The following SMYD1 variants were observed in gnomAD, a reference collection of about 807,000 sequenced individuals.
SMYD1 encodes the protein histone-lysine N-methyltransferase SMYD1.
SMYD1 carries 49 observed loss-of-function variants against 54.0 expected under a neutral mutation model. The observed-to-expected ratio is 0.91, with a 90% CI of 0.72 to 1.15. The LOEUF (loss-of-function observed/expected upper bound fraction) is 1.15, where lower values mean the gene tolerates loss of function less well. Among genes scored for constraint, SMYD1 ranks in the 50% most tolerant of loss-of-function variants. The probability of loss-of-function intolerance (pLI) is 0.00; values close to 1 mark genes in which losing one functional copy is unlikely to be tolerated. For missense variants in SMYD1, 653 were observed against 639.6 expected, an observed-to-expected ratio of 1.02 and a Z score of -0.23; for synonymous variants, 269 against 234.2, an observed-to-expected ratio of 1.15 and a Z score of -1.36.
chr2:88,087,079 CAAAAAAA>C (rs57379534), intron 2 of SMYD1, among the ~76,000 whole-genome samples: 7 of 83,862 alleles, frequency 8.3e-5, no homozygotes, highest in Non-Finnish European at 1.1e-4. Flanking sequence ...GTATAGCTTC[CAAAAAAA>C]AAAAAAAAAA....
At chr2:88,098,834 C>T (rs990732876) in intron 6 of SMYD1, among the ~76,000 whole-genome samples, 4 of 152,188 alleles carry the variant, frequency 2.6e-5, no homozygotes, top group African/African-American at 9.7e-5. Flanking sequence ...CCTTTCTTTT[C>T]CCTATAATGC....
chr2:88,081,056 C>T (rs971956198), intron 1 of SMYD1, among the ~76,000 whole-genome samples: 4 of 152,090 alleles, frequency 2.6e-5, no homozygotes, highest in African/African-American at 4.8e-5. Flanking sequence ...GTGCCCGTCA[C>T]CACGCCCAAC....
chr2:88,091,140 C>T lies in SMYD1; in HGVS notation c.657C>T (p.Gly219=), dbSNP rs1180249164. 2.5e-6 allele frequency: 4 copies of T among 1,613,582 alleles called. No homozygotes were observed. The highest frequency in any genetic ancestry group is 1.1e-5 in the South Asian group (1 of 91,008). The part of the protein sequence containing the change: ...WPNCTVIFNN[G]NHEAVKSMFH... ...ACTGTACTGTCATATTTAACAATGGCAAGTGAGTATGTCTTTATGTGGGGG... is the reference window on the plus strand; with the variant it reads ...ACTGTACTGTCATATTTAACAATGGTAAGTGAGTATGTCTTTATGTGGGGG... The change falls in exon 4 of 10, where the codon GGC becomes GGT. Residue 219 remains glycine, a splice_region_variant and synonymous_variant. Coordinates refer to ENST00000419482, the MANE Select transcript of SMYD1 (RefSeq NM_198274.4).
chr2:88,110,436 T>C lies in SMYD1; in HGVS notation c.1397T>C (p.Leu466Pro). ...FMYYKMREAA[L>P]NNQPMQVMAE... ...TACTACAAGATGCGCGAGGCTGCCC[T>C]GAACAACCAGCCCATGCAGGTCATG... is the stretch of plus-strand genomic sequence containing the variant. The change falls in exon 10 of 10, where the codon CTG becomes CCG. Residue 466 changes from leucine (L) to proline (P), a missense_variant. Leu to Pro is a moderately conservative substitution (Grantham distance 98, BLOSUM62 -3). Coordinates refer to ENST00000419482, the MANE Select transcript of SMYD1 (RefSeq NM_198274.4). The C allele has an allele frequency of 6.2e-7, 1 of 1,609,486 alleles. No individual in the cohort carries two copies. Among genetic ancestry groups the C allele is most frequent in the Non-Finnish European group, 8.5e-7 (1 of 1,177,878 alleles).
At chr2:88,084,128 A>G (rs1287904903) in intron 1 of SMYD1, among the ~76,000 whole-genome samples, 188 bp from the exon 2 acceptor site, 4 of 152,168 alleles carry the variant, frequency 2.6e-5, no homozygotes, top group African/African-American at 9.7e-5. Context: ...AAAAATTGCT[A>G]AAGTAATTGT....
At chr2:88,081,802 G>T (rs1442823536) in intron 1 of SMYD1, among the ~76,000 whole-genome samples, 11 of 152,038 alleles carry the variant, frequency 7.2e-5, no homozygotes, top group Non-Finnish European at 1.6e-4. Context: ...TGGAGATCCG[G>T]CAAGTGTACA....
At chr2:88,107,422 C>T (rs1346857138) in intron 8 of SMYD1, among the ~76,000 whole-genome samples, 1 of 152,200 alleles carries the variant, frequency 6.6e-6, no homozygotes, top group East Asian at 1.9e-4. Context: ...AAATACAATG[C>T]TGTCTCAAAA....
chr2:88,072,003 GAAAAAA>G (rs36012666), intron 1 of SMYD1, among the ~76,000 whole-genome samples: 1 of 147,674 alleles, frequency 6.8e-6, no homozygotes, highest in African/African-American at 2.5e-5. Flanking sequence ...TTAACATTTG[GAAAAAA>G]AAAAAAAACC....
intron 2 of SMYD1, among the ~76,000 whole-genome samples, chr2:88,087,516 T>C (rs1350511955): frequency 6.6e-6 from 1 of 152,174 alleles, no homozygotes; most frequent in East Asian, 1.9e-4. Flanking sequence ...TGAAGTGCTC[T>C]TTCTCCAGTA....
chr2:88,072,831 C>T (rs1050437962), intron 1 of SMYD1, among the ~76,000 whole-genome samples: 2 of 152,106 alleles, frequency 1.3e-5, no homozygotes, highest in Non-Finnish European at 2.9e-5. Flanking sequence ...CATTAATATC[C>T]TTCTACACCA....
In SMYD1 at chr2:88,103,120, C is replaced by T; in HGVS notation, c.951C>T (p.Asp317=). ...QFSKDTLEKI[D]KARSEGLYHE... The stretch of plus-strand genomic sequence containing the variant: ...CCAAGGATACATTGGAAAAGATAGA[C>T]AAGGCTCGTTCCGAGGGTTTGTATC... Residue 317 remains aspartate (D), a synonymous_variant, in exon 7 of 10, where the codon GAC becomes GAT. Coordinates refer to ENST00000419482, the MANE Select transcript of SMYD1 (RefSeq NM_198274.4). 1 of 1,613,652 alleles carries T rather than the reference C, an allele frequency of 6.2e-7. No homozygotes were observed. The highest frequency in any genetic ancestry group is 8.5e-7 in the Non-Finnish European group (1 of 1,179,906).
intron 2 of SMYD1, among the ~76,000 whole-genome samples, chr2:88,086,840 T>G (rs1202569321): frequency 6.6e-6 from 1 of 151,884 alleles, no homozygotes; most frequent in Non-Finnish European, 1.5e-5. Context: ...TATCTTTTTT[T>G]TTTTTTATTA....
intron 3 of SMYD1, among the ~76,000 whole-genome samples, chr2:88,088,526 C>T (rs1460086399): frequency 6.6e-6 from 1 of 152,170 alleles, no homozygotes; most frequent in African/African-American, 2.4e-5. Flanking sequence ...ACTCTGTCTT[C>T]TGGCCTTGTT....
Position 88,112,012 on chromosome 2 carries a change from G to A in SMYD1, c.*1500G>A. On this transcript the variant is annotated 3_prime_UTR_variant, in exon 10 of 10. Transcript: ENST00000419482. The stretch of plus-strand genomic sequence containing the variant: ...GCTGTGTCCCTCTGAGCACTACCCA[G>A]TGGCTGAAAACTCTGCAAATGGGCC... 1 of 702,216 alleles carries A rather than the reference G, an allele frequency of 1.4e-6. No individual in the cohort carries two copies. The highest frequency in any genetic ancestry group is 2.7e-5 in the East Asian group (1 of 37,254). The allele number at this position is 702,216 out of a possible 1,614,324, so 43.5% of individuals were successfully genotyped here.
At chr2:88,070,328 C>T (rs1673917765) in intron 1 of SMYD1, among the ~76,000 whole-genome samples, 1 of 152,172 alleles carries the variant, frequency 6.6e-6, no homozygotes, top group Non-Finnish European at 1.5e-5. Context: ...CTGTACAAAA[C>T]TGGCTTGTTT....
chr2:88,096,548 C>T, intron 5 of SMYD1, 47 bp from the exon 6 acceptor site: 2 of 1,520,438 alleles, frequency 1.3e-6, no homozygotes, highest in Non-Finnish European at 1.8e-6. Context: ...GGATCCCATT[C>T]CAGTAGGCCT....
intron 8 of SMYD1, among the ~76,000 whole-genome samples, chr2:88,106,971 C>A (rs770520798): frequency 6.6e-6 from 1 of 152,060 alleles, no homozygotes; most frequent in African/African-American, 2.4e-5. Flanking sequence ...GAGGCCGAGG[C>A]GGGAGGATCA....
In SMYD1 at chr2:88,084,996, C is replaced by T. The variant is rs143281663; in HGVS notation, c.314+504C>T. On this transcript the variant is annotated intron_variant, in intron 2 of 9. Coordinates refer to ENST00000419482, the MANE Select transcript of SMYD1 (RefSeq NM_198274.4). The stretch of plus-strand genomic sequence containing the variant: ...AACTCCTGAGCTCAAGCGATCCACC[C>T]GTCTCGGCCTCCCAAAGTGCTGGGA... 6.2e-4 allele frequency among the ~76,000 whole-genome samples: 95 copies of T among 152,246 alleles called. No homozygotes were observed. In the East Asian group the frequency reaches 0.017, roughly 28 times the overall value.
chr2:88,089,999 T>C (rs1302375592), intron 3 of SMYD1, among the ~76,000 whole-genome samples: 2 of 152,196 alleles, frequency 1.3e-5, no homozygotes. Context: ...AGAGGTCATA[T>C]AATTACCAAA....
Sources: allele counts gnomAD v4.1 joint callset (sites outside exome capture counted in the v4.1 genomes callset), GRCh38; gene constraint gnomAD v4.1.1; transcripts MANE v1.5; gene names NCBI Gene and HGNC (gene_info 2026-07-23, HGNC 2026-07-21).